The following RASSF2 variants were observed in gnomAD, a reference collection of about 807,000 sequenced individuals.
RASSF2 encodes ras association domain-containing protein 2.
In RASSF2, 34 loss-of-function variants were observed where a neutral mutation model predicts 46.3. That is an observed-to-expected ratio of 0.73 (90% confidence interval 0.56 to 0.98). The LOEUF is 0.98. Among genes scored for constraint, RASSF2 ranks in the 50% least tolerant of loss-of-function variants. The probability of loss-of-function intolerance (pLI) is 0.00; values close to 1 mark genes in which losing one functional copy is unlikely to be tolerated. For synonymous variants in RASSF2, 158 were observed against 162.5 expected (o/e 0.97, Z 0.21); for missense variants, 364 against 431.2 (o/e 0.84, Z 1.38).
chr20:4,780,383 TAC>T lies in RASSF2; in HGVS notation c.*3888_*3889del, dbSNP rs1239687002. On this transcript the variant is annotated 3_prime_UTR_variant, in exon 12 of 12. Transcript: ENST00000379400. ...CTTGTGCATCTTGTGCTCAGTTAAA[TAC>T]AGTTAAAACACAAGGGGCGCTTCAA... is the stretch of plus-strand genomic sequence containing the variant. 1 of 152,112 alleles carries T rather than the reference TAC, an allele frequency of 6.6e-6. No individual in the cohort carries two copies. 9.4% of individuals were successfully genotyped at this position (152,112 alleles called of 1,614,324 possible). A position where few individuals can be genotyped will look rare whatever the true frequency, so the allele number is the denominator to read the frequency against.
chr20:4,810,861 T>C (rs1927732089), intron 2 of RASSF2, among the ~76,000 whole-genome samples: 4 of 151,924 alleles, frequency 2.6e-5, no homozygotes, highest in Admixed American at 2.6e-4. Context: ...CATGGAGAAT[T>C]CCCAGGGTGG....
intron 2 of RASSF2, among the ~76,000 whole-genome samples, chr20:4,803,787 A>G (rs1021592217): frequency 2.0e-5 from 3 of 147,556 alleles, no homozygotes; most frequent in African/African-American, 5.0e-5. Context: ...GGCCAGGCGC[A>G]GTGGCTCACA....
Position 4,795,713 on chromosome 20 carries a change from AG to A in RASSF2, c.287+101del. ...AGTAGAGGTAGTAGGAGGAGGAGCC[AG>A]GGTCAGGGCTGGCTGGAAGAAGGCA... is the stretch of plus-strand genomic sequence containing the variant. On this transcript the variant is annotated intron_variant, in intron 5 of 11. Transcript: ENST00000379400. The surrounding 1 kb of genome is among the most constrained non-coding windows in gnomAD (Gnocchi z 4.0). 1 of 1,401,960 alleles carries A rather than the reference AG, an allele frequency of 7.1e-7. No individual in the cohort carries two copies. Among genetic ancestry groups the A allele is most frequent in the South Asian group, 1.4e-5 (1 of 73,176 alleles). 86.8% of individuals were successfully genotyped at this position (1,401,960 alleles called of 1,614,324 possible). A position where few individuals can be genotyped will look rare whatever the true frequency, so the allele number is the denominator to read the frequency against.
At chr20:4,805,383 G>C (rs562817644) in intron 2 of RASSF2, among the ~76,000 whole-genome samples, 1 of 152,104 alleles carries the variant, frequency 6.6e-6, no homozygotes, top group Admixed American at 6.5e-5. Flanking sequence ...AAGGGGCCAT[G>C]AACCTTGAAG....
rs1927927139 is a variant in RASSF2 at position 4,812,766 on chromosome 20, A to T, written c.-33+9563T>A. Among the ~76,000 whole-genome samples, 1 of 152,204 alleles carries T rather than the reference A, an allele frequency of 6.6e-6. No homozygotes were observed. Among genetic ancestry groups the T allele is most frequent in the Admixed American group, 6.5e-5 (1 of 15,276 alleles). ...GACTTCACTTTACAAATGAGGAAAC[A>T]GAAGGTCTCAGAGGTTAGGTGGCTT... On this transcript the variant is annotated intron_variant, in intron 2 of 11. Coordinates refer to ENST00000379400, the MANE Select transcript of RASSF2 (RefSeq NM_014737.3). The surrounding 1 kb of genome is among the most constrained non-coding windows in gnomAD (Gnocchi z 4.0).
chr20:4,805,314 G>T (rs993793299), intron 2 of RASSF2, among the ~76,000 whole-genome samples: 2 of 152,082 alleles, frequency 1.3e-5, no homozygotes, highest in African/African-American at 4.8e-5. Context: ...AGAAGGCGAC[G>T]TGACAACTGC....
chr20:4,807,330 GA>G (rs11483578), intron 2 of RASSF2, among the ~76,000 whole-genome samples: 7,858 of 109,818 alleles, frequency 0.072, 556 homozygotes, highest in African/African-American at 0.2. Context: ...CTTCTGTTCA[GA>G]AAAAAAAAAA....
chr20:4,804,902 G>A (rs538755097), intron 2 of RASSF2, among the ~76,000 whole-genome samples: 2 of 152,184 alleles, frequency 1.3e-5, no homozygotes, highest in South Asian at 2.1e-4. Flanking sequence ...GGACACCTAC[G>A]GATGAGGGTG....
At position 4,795,841 on chromosome 20, in the gene RASSF2, G is replaced by A. The variant is rs1484555669; in HGVS notation, c.261C>T (p.His87=). ...IRPPPSSSSW[H]SGCNLGAQGT... ...CCTGAGCCCCCAGGTTACAGCCAGAGTGCCAGGAGGAGGAGGATGGAGGGG... is the reference window on the plus strand; with the variant it reads ...CCTGAGCCCCCAGGTTACAGCCAGAATGCCAGGAGGAGGAGGATGGAGGGG... Residue 87 remains histidine (H), a synonymous_variant, in exon 5 of 12, where the codon CAC becomes CAT. Transcript: ENST00000379400. This position sits in a 1 kb window ranked among gnomAD's most constrained non-coding sequence, Gnocchi z 4.0. 6.2e-7 allele frequency: 1 copy of A among 1,610,876 alleles called. No individual in the cohort carries two copies. Among genetic ancestry groups the A allele is most frequent in the Admixed American group, 1.7e-5 (1 of 59,884 alleles).
rs888013726 is a variant in RASSF2 at position 4,788,235 on chromosome 20, C to T, written c.673G>A (p.Val225Met). ...ENSAEEFALY[V>M]VHTSGEKQKL... is the part of the protein sequence containing the mutation. ...GACTTACCACCACTCGTATGGACCA[C>T]GTACAAGGCAAACTCCTCTGCTGAA... Residue 225 changes from valine to methionine, a missense_variant, in exon 9 of 12, where the codon GTG becomes ATG. Val to Met is a conservative substitution (Grantham distance 21). Transcript: ENST00000379400. The T allele has an allele frequency of 3.7e-6, 6 of 1,605,910 alleles. No individual in the cohort carries two copies. The highest frequency in any genetic ancestry group is 3.3e-5 in the Admixed American group (2 of 59,994).
At position 4,798,931 on chromosome 20, in the gene RASSF2, G is replaced by A. The variant is rs182436535; in HGVS notation, c.60-846C>T. On this transcript the variant is annotated intron_variant, in intron 3 of 11. Transcript: ENST00000379400. Reference sequence around the variant, plus strand: ...AGCCACACAACGGAAAATTATCAGCGAAGAGAATGTGAATGAACTACACAA... The same window carrying A: ...AGCCACACAACGGAAAATTATCAGCAAAGAGAATGTGAATGAACTACACAA... Among the ~76,000 whole-genome samples the A allele has an allele frequency of 4.5e-3, 676 of 151,714 alleles. 23 individuals are homozygous for A. The highest frequency in any genetic ancestry group is 0.032 in the Admixed American group (487 of 15,234).
intron 3 of RASSF2, 105 bp from the exon 4 acceptor site, chr20:4,798,190 C>T (rs528450860): frequency 6.7e-7 from 1 of 1,501,056 alleles, no homozygotes; most frequent in African/African-American, 1.4e-5. Flanking sequence ...AGTCACCCCA[C>T]TTTGGGTAAC....
At chr20:4,788,946 G>T (rs572104830) in intron 8 of RASSF2, among the ~76,000 whole-genome samples, 31 of 152,304 alleles carry the variant, frequency 2.0e-4, no homozygotes, top group African/African-American at 7.0e-4. Context: ...GCAGGGGCAG[G>T]TTAAGTAACC....
chr20:4,814,936 C>T (rs1928173195), intron 2 of RASSF2, among the ~76,000 whole-genome samples: 1 of 152,196 alleles, frequency 6.6e-6, no homozygotes, highest in Non-Finnish European at 1.5e-5. Flanking sequence ...CTCCACGTGG[C>T]CCGCAGAGGC....
intron 2 of RASSF2, among the ~76,000 whole-genome samples, chr20:4,804,263 A>G (rs757075366): frequency 2.0e-5 from 3 of 151,878 alleles, no homozygotes; most frequent in Non-Finnish European, 4.4e-5. Flanking sequence ...ACTTTTCCAA[A>G]AAAGGAAGAA....
At chr20:4,798,212 A>G in intron 3 of RASSF2, 127 bp from the exon 4 acceptor site, 1 of 1,385,356 alleles carries the variant, frequency 7.2e-7, no homozygotes, top group Non-Finnish European at 9.7e-7. Context: ...GTCCACATGT[A>G]CATACACACA....
At chr20:4,786,436 T>C in intron 10 of RASSF2, 108 bp from the exon 11 acceptor site, 1 of 1,000,830 alleles carries the variant, frequency 1.0e-6, no homozygotes. Flanking sequence ...TCTATTTTTT[T>C]CAGAAACCCA....
chr20:4,810,486 G>A (rs1927695145), intron 2 of RASSF2, among the ~76,000 whole-genome samples: 1 of 152,138 alleles, frequency 6.6e-6, no homozygotes, highest in Non-Finnish European at 1.5e-5. Context: ...CATGATCAGG[G>A]AGCCTGGAGA....
At chr20:4,816,026 G>T (rs7271769) in intron 2 of RASSF2, among the ~76,000 whole-genome samples, 4,768 of 152,286 alleles carry the variant, frequency 0.031, 265 homozygotes, top group African/African-American at 0.11. Flanking sequence ...TATAGGTCAG[G>T]TTCCATGGTT....
Sources: allele counts gnomAD v4.1 joint callset (sites outside exome capture counted in the v4.1 genomes callset), GRCh38; gene constraint gnomAD v4.1.1; non-coding constraint Gnocchi (gnomAD v3.1); transcripts MANE v1.5; gene names NCBI Gene and HGNC (gene_info 2026-07-23, HGNC 2026-07-21).